SNX7: variants seen among roughly 807,000 people sequenced by gnomAD.
SNX7 encodes the protein sorting nexin 7, also known as sorting nexin-7.
A neutral mutation model predicts 48.4 loss-of-function variants in SNX7; 35 were observed. The ratio of observed to expected loss-of-function variants is 0.72; its 90% confidence interval spans 0.55 to 0.96. The LOEUF (loss-of-function observed/expected upper bound fraction) is 0.96. Ranked by LOEUF, SNX7 falls within the 40% of genes least tolerant of loss-of-function variation. SNX7 has a pLI of 0.00. For missense variants in SNX7, 553 were observed against 548.9 expected (o/e 1.01, Z -0.07); for synonymous variants, 190 against 190.2 (o/e 1.00, Z 0.01).
Position 98,679,816 on chromosome 1 carries a change from G to A in SNX7, c.181-5069G>A, listed in dbSNP as rs149094677. Among the ~76,000 whole-genome samples the A allele has an allele frequency of 5.1e-4, 77 of 152,320 alleles. No homozygotes were observed. The South Asian group carries it at 0.013, about 26-fold the overall frequency. On this transcript the variant is annotated intron_variant, in intron 1 of 8. Transcript: ENST00000306121. Reference sequence around the variant, plus strand: ...CAGCTCTGCCCCTGTGGCTTTGCAGGGTATAGCCTCCCATCTGTCTGCTTT... The same window carrying A: ...CAGCTCTGCCCCTGTGGCTTTGCAGAGTATAGCCTCCCATCTGTCTGCTTT...
At chr1:98,725,365 T>C (rs1570575181) in intron 7 of SNX7, among the ~76,000 whole-genome samples, 3 of 152,092 alleles carry the variant, frequency 2.0e-5, no homozygotes, top group East Asian at 3.9e-4. Context: ...TATATCCGGA[T>C]TGGAAGGACT....
intron 7 of SNX7, among the ~76,000 whole-genome samples, chr1:98,723,699 C>CA (rs899836439): frequency 3.3e-5 from 5 of 151,562 alleles, no homozygotes; most frequent in East Asian, 1.9e-4. Context: ...ACTAAAAATA[C>CA]AAAAAAAAGC....
intron 8 of SNX7, among the ~76,000 whole-genome samples, chr1:98,742,981 T>A (rs1654144074): frequency 6.6e-6 from 1 of 152,008 alleles, no homozygotes; most frequent in African/African-American, 2.4e-5. Flanking sequence ...TTAGCTTAGA[T>A]AATAATAGTT....
At chr1:98,672,965 G>GTGTAATCAAGATAAA (rs1649963646) in intron 1 of SNX7, among the ~76,000 whole-genome samples, 1 of 144,772 alleles carries the variant, frequency 6.9e-6, no homozygotes, top group South Asian at 2.3e-4. Context: ...AATTATTCAA[G>GTGTAATCAAGATAAA]TGTAATCAAG....
intron 1 of SNX7, among the ~76,000 whole-genome samples, chr1:98,663,104 ACAGTTGGC>A (rs1231175553): frequency 6.6e-6 from 1 of 152,154 alleles, no homozygotes; most frequent in Non-Finnish European, 1.5e-5. Flanking sequence ...CAGATCAACG[ACAGTTGGC>A]CAGTTGGTTA....
At chr1:98,677,738 C>T (rs1419147321) in intron 1 of SNX7, among the ~76,000 whole-genome samples, 1 of 151,906 alleles carries the variant, frequency 6.6e-6, no homozygotes, top group African/African-American at 2.4e-5. Context: ...ATTAACCAGG[C>T]GTGGTGGCAG....
chr1:98,691,830 C>G, intron 4 of SNX7, 131 bp downstream of exon 4: 1 of 666,736 alleles, frequency 1.5e-6, no homozygotes, highest in Non-Finnish European at 2.3e-6. Flanking sequence ...TTTTCAGAAA[C>G]ACTGGAGAGT....
intron 8 of SNX7, among the ~76,000 whole-genome samples, chr1:98,758,571 T>C (rs1162597388): frequency 6.6e-6 from 1 of 152,072 alleles, no homozygotes; most frequent in East Asian, 1.9e-4. Context: ...TTTCAGTACC[T>C]TCTAAAGCTA....
At chr1:98,691,918 C>CAT (rs1348356382) in intron 4 of SNX7, among the ~76,000 whole-genome samples, 1 of 89,906 alleles carries the variant, frequency 1.1e-5, no homozygotes, top group Non-Finnish European at 2.3e-5. Context: ...TATATATACA[C>CAT]ACACACACAC....
At chr1:98,700,139 TTTGA>T (rs1341687263) in intron 6 of SNX7, among the ~76,000 whole-genome samples, 3 of 152,214 alleles carry the variant, frequency 2.0e-5, no homozygotes, top group East Asian at 1.9e-4. Flanking sequence ...TAGGTCCTCG[TTTGA>T]TTGAATTAAT....
chr1:98,696,617 C>G (rs1292438604), intron 5 of SNX7, among the ~76,000 whole-genome samples: 1 of 151,892 alleles, frequency 6.6e-6, no homozygotes, highest in Admixed American at 6.6e-5. Flanking sequence ...TACTTTGCCC[C>G]TTTTCTAACT....
chr1:98,716,715 A>AT (rs959299361), intron 7 of SNX7, among the ~76,000 whole-genome samples: 100 of 150,490 alleles, frequency 6.6e-4, no homozygotes, highest in Middle Eastern at 3.4e-3. Flanking sequence ...CATAAATACA[A>AT]TTTTTTTTTT....
intron 8 of SNX7, among the ~76,000 whole-genome samples, chr1:98,750,494 G>A (rs1348788388): frequency 6.6e-6 from 1 of 152,068 alleles, no homozygotes; most frequent in Non-Finnish European, 1.5e-5. Context: ...AAAGGAATAT[G>A]TAAAGATGAA....
intron 7 of SNX7, among the ~76,000 whole-genome samples, chr1:98,706,761 A>T (rs1652028061): frequency 6.6e-6 from 1 of 152,070 alleles, no homozygotes; most frequent in African/African-American, 2.4e-5. Flanking sequence ...GCTGTTTGCT[A>T]TTTGGTGGGC....
At chr1:98,669,044 C>T (rs1228164153) in intron 1 of SNX7, among the ~76,000 whole-genome samples, 2 of 152,282 alleles carry the variant, frequency 1.3e-5, no homozygotes, top group African/African-American at 4.8e-5. Flanking sequence ...TGGGCCTATT[C>T]ATCCCTTCAG....
At position 98,698,922 on chromosome 1, in the gene SNX7, C is replaced by T; in HGVS notation, c.1038+17C>T. ...ATGTTAATGGTAAGAACACCTAATT[C>T]TAATTTTACCTCAGTCCCTTACCTG... is the stretch of plus-strand genomic sequence containing the variant. On this transcript the variant is annotated intron_variant, in intron 6 of 8. Coordinates refer to ENST00000306121, the MANE Select transcript of SNX7 (RefSeq NM_015976.5). The T allele has an allele frequency of 6.2e-7, 1 of 1,609,632 alleles. No individual in the cohort carries two copies. Among genetic ancestry groups the T allele is most frequent in the Non-Finnish European group, 8.5e-7 (1 of 1,176,256 alleles).
At chr1:98,729,382 A>G (rs4908321) in intron 7 of SNX7, among the ~76,000 whole-genome samples, 55,762 of 151,944 alleles carry the variant, frequency 0.37, 10,445 homozygotes, top group African/African-American at 0.41. Context: ...CAGAGAACAA[A>G]GAGCAAACAA....
At chr1:98,737,707 GCTAT>G (rs1201048338) in intron 7 of SNX7, among the ~76,000 whole-genome samples, 1 of 152,126 alleles carries the variant, frequency 6.6e-6, no homozygotes, top group Non-Finnish European at 1.5e-5. Flanking sequence ...TCTGTTACTA[GCTAT>G]CTGAGTAGAG....
At chr1:98,708,617 G>T (rs2100986479) in intron 7 of SNX7, among the ~76,000 whole-genome samples, 1 of 152,262 alleles carries the variant, frequency 6.6e-6, no homozygotes, top group South Asian at 2.1e-4. Context: ...AATGGTGCAT[G>T]AGTGATGCTG....
Sources: allele counts gnomAD v4.1 joint callset (sites outside exome capture counted in the v4.1 genomes callset), GRCh38; gene constraint gnomAD v4.1.1; transcripts MANE v1.5; gene names NCBI Gene and HGNC (gene_info 2026-07-23, HGNC 2026-07-21).